The following RP1 variants were observed in gnomAD, a reference collection of about 807,000 sequenced individuals.
RP1 encodes the protein RP1 axonemal microtubule associated.
A neutral mutation model predicts 14.8 loss-of-function variants in RP1; 16 were observed. That is an observed-to-expected ratio of 1.08 (90% CI 0.73 to 1.65). RP1 has a LOEUF of 1.65. RP1 is among the 40% of genes most tolerant of loss of function. The pLI is 0.00. For synonymous variants in RP1, 876 were observed against 883.6 expected, an observed-to-expected ratio of 0.99 and a Z score of 0.15; for missense variants, 2,631 against 2,535.0, an observed-to-expected ratio of 1.04 and a Z score of -0.81.
intron 15 of RP1, among the ~76,000 whole-genome samples, chr8:54,707,642 A>C (rs1159334067): frequency 6.6e-6 from 1 of 152,222 alleles, no homozygotes; most frequent in Non-Finnish European, 1.5e-5. Context: ...CCTTCTTACC[A>C]GTCATGATGT....
intron 1 of RP1, among the ~76,000 whole-genome samples, chr8:54,581,046 G>T (rs1175605313): frequency 6.6e-6 from 1 of 151,982 alleles, no homozygotes. Context: ...AGGTATATGT[G>T]CACAACGTGC....
Position 54,627,855 on chromosome 8 carries a change from G to A in RP1, c.3973G>A (p.Gly1325Arg), listed in dbSNP as rs1322767371. 1.2e-6 allele frequency: 2 copies of A among 1,614,094 alleles called. No homozygotes were observed. Among genetic ancestry groups the A allele is most frequent in the Admixed American group, 3.3e-5 (2 of 60,022 alleles). Residue 1325 changes from glycine (G) to arginine (R), a missense_variant, in exon 4 of 4, where the codon GGA becomes AGA. Transcript: ENST00000220676. ...CAQKENHTYE[G>R]ACPIDETYVP... Reference sequence around the variant, plus strand: ...TCAAAAGGAGAACCATACCTATGAGGGAGCTTGCCCAATTGATGAGACCTA... The same window carrying A: ...TCAAAAGGAGAACCATACCTATGAGAGAGCTTGCCCAATTGATGAGACCTA...
chr8:54,805,829 T>A (rs1001577282), intron 24 of RP1, among the ~76,000 whole-genome samples: 4 of 152,024 alleles, frequency 2.6e-5, no homozygotes, highest in Non-Finnish European at 5.9e-5. Context: ...TGAAACTTTG[T>A]GAATGAGGGC....
chr8:54,673,891 G>T, exon 8 of RP1: 2 of 1,535,916 alleles, frequency 1.3e-6, no homozygotes, highest in Non-Finnish European at 1.7e-6. Context: ...TTGGAGATTT[G>T]TGTAAGATTG....
At chr8:54,809,439 G>A (rs1810935341) in intron 24 of RP1, among the ~76,000 whole-genome samples, 1 of 152,208 alleles carries the variant, frequency 6.6e-6, no homozygotes, top group Non-Finnish European at 1.5e-5. Context: ...GGCAGAGATG[G>A]AGTCGACTGC....
At chr8:54,711,614 A>G (rs1239576085) in intron 15 of RP1, among the ~76,000 whole-genome samples, 1 of 152,202 alleles carries the variant, frequency 6.6e-6, no homozygotes, top group African/African-American at 2.4e-5. Flanking sequence ...CCCTAAGCTC[A>G]CACAGCAACC....
intron 14 of RP1, among the ~76,000 whole-genome samples, chr8:54,702,516 C>G (rs1427556525): frequency 6.6e-6 from 1 of 152,136 alleles, no homozygotes; most frequent in Middle Eastern, 3.2e-3. Context: ...TGTTAATGAT[C>G]ATCTGAGCCT....
At chr8:54,716,293 T>G (rs1808401800) in intron 15 of RP1, among the ~76,000 whole-genome samples, 1 of 152,238 alleles carries the variant, frequency 6.6e-6, no homozygotes, top group Non-Finnish European at 1.5e-5. Context: ...TGCTTGTATA[T>G]CTTGGTTTCT....
rs1002377151 is a variant in RP1 at position 54,739,064 on chromosome 8, T to C, written c.2808+35T>C. 4.9e-6 allele frequency: 7 copies of C among 1,429,160 alleles called. No individual in the cohort carries two copies. In the African/African-American group the frequency reaches 5.7e-5, roughly 12 times the overall value. The allele number at this position is 1,429,160 out of a possible 1,614,324, so 88.5% of individuals were successfully genotyped here. ...TCACTTATTTTTTTCTTCATAGTTA[T>C]TCTCTGATGAAAAGAAGCAAGCTGG... On this transcript the variant is annotated intron_variant, in intron 19 of 22. Transcript: ENST00000636932.
In RP1 at chr8:54,621,246, C is replaced by T. The variant is rs1805855545; in HGVS notation, c.280C>T (p.Arg94Cys). 6.2e-7 allele frequency: 1 copy of T among 1,614,040 alleles called. No individual in the cohort carries two copies. The highest frequency in any genetic ancestry group is 1.7e-5 in the Admixed American group (1 of 60,002). ...CCCTCGGGGCAGGCACAGCATCACG[C>T]GCCTGGAGGAGCTGGAGGACGGCGA... is the stretch of plus-strand genomic sequence containing the variant. The part of the protein sequence containing the change: ...STPRGRHSIT[R>C]LEELEDGESY... The change falls in exon 2 of 4, where the codon CGC becomes TGC. Residue 94 changes from arginine (R) to cysteine (C), a missense_variant. Arg to Cys is a radical substitution (Grantham distance 180). Coordinates refer to ENST00000220676, the MANE Select transcript of RP1 (RefSeq NM_006269.2).
intron 24 of RP1, among the ~76,000 whole-genome samples, chr8:54,815,372 A>T (rs1811114433): frequency 6.6e-6 from 1 of 152,234 alleles, no homozygotes; most frequent in African/African-American, 2.4e-5. Context: ...ACTTTTCTTA[A>T]ATGAAATACC....
At chr8:54,684,791 A>G (rs1372253642) in intron 12 of RP1, among the ~76,000 whole-genome samples, 2 of 152,154 alleles carry the variant, frequency 1.3e-5, no homozygotes, top group Non-Finnish European at 1.5e-5. Flanking sequence ...CATATACACC[A>G]TGGAATACTA....
chr8:54,730,782 G>A (rs1216659708), intron 17 of RP1, among the ~76,000 whole-genome samples: 3 of 152,088 alleles, frequency 2.0e-5, no homozygotes, highest in Admixed American at 2.0e-4. Flanking sequence ...TGTGCATCCT[G>A]TGCTTTGTAT....
upstream of RP1, among the ~76,000 whole-genome samples, chr8:54,611,861 TTCCCTCCCTCCC>T (rs545025613): frequency 1.3e-5 from 2 of 150,752 alleles, no homozygotes; most frequent in Non-Finnish European, 3.0e-5. Context: ...GTTGTTTTCT[TTCCCTCCCTCCC>T]TCCCTCCCTC....
Position 54,628,605 on chromosome 8 carries a change from T to C in RP1, c.4723T>C (p.Ser1575Pro). Residue 1575 changes from serine to proline, a missense_variant, in exon 4 of 4, where the codon TCC (serine) becomes CCC (proline). Ser to Pro is a moderately conservative substitution (Grantham distance 74, BLOSUM62 -1). Transcript: ENST00000220676. ...KTMETGSYSE[S>P]SPDLKKCIKS... ...TATGGAAACTGGAAGTTATTCAGAGTCCTCTCCTGATTTAAAAAAATGCAT... is the reference window on the plus strand; with the variant it reads ...TATGGAAACTGGAAGTTATTCAGAGCCCTCTCCTGATTTAAAAAAATGCAT... The C allele has an allele frequency of 6.2e-7, 1 of 1,613,770 alleles. No homozygotes were observed.
At chr8:54,673,972 C>T (rs1352814417) in intron 8 of RP1, 2 of 1,406,626 alleles carry the variant, frequency 1.4e-6, no homozygotes, top group Admixed American at 4.0e-5. Context: ...TGATTCCATT[C>T]TGTTTATATG....
intron 14 of RP1, among the ~76,000 whole-genome samples, chr8:54,703,002 C>A (rs1178229362): frequency 1.3e-5 from 2 of 152,212 alleles, no homozygotes; most frequent in Non-Finnish European, 2.9e-5. Context: ...GCTATTTCTA[C>A]CACATCTGCA....
intron 1 of RP1, among the ~76,000 whole-genome samples, chr8:54,585,603 G>A (rs1804902009): frequency 6.6e-6 from 1 of 152,198 alleles, no homozygotes; most frequent in African/African-American, 2.4e-5. Context: ...TTCCAACTTG[G>A]TTGCGTTATC....
chr8:54,634,404 A>G (rs1337673620), downstream of RP1, among the ~76,000 whole-genome samples: 1 of 152,196 alleles, frequency 6.6e-6, no homozygotes, highest in Non-Finnish European at 1.5e-5. Context: ...ACCAATTTAT[A>G]TTTCTATGGA....
Sources: allele counts gnomAD v4.1 joint callset (sites outside exome capture counted in the v4.1 genomes callset), GRCh38; gene constraint gnomAD v4.1.1; transcripts MANE v1.5; gene names NCBI Gene and HGNC (gene_info 2026-07-23, HGNC 2026-07-21).